PALLD: variants seen among roughly 807,000 people sequenced by gnomAD.
PALLD encodes the protein palladin.
Under a neutral mutation model 123.5 loss-of-function variants are expected in PALLD, and 61 were observed. That is an observed-to-expected ratio of 0.49 (90% confidence interval 0.40 to 0.61). PALLD has a LOEUF of 0.61. Ranked by LOEUF, PALLD falls within the 20% of genes least tolerant of loss-of-function variation. The pLI, the probability that PALLD is intolerant of heterozygous loss-of-function variation, is 0.00. For missense variants in PALLD, 1,273 were observed against 1,377.0 expected, an observed-to-expected ratio of 0.92 and a Z score of 1.20; for synonymous variants, 465 against 496.4, an observed-to-expected ratio of 0.94 and a Z score of 0.84.
chr4:168,591,484 G>A (rs576696454), intron 2 of PALLD, among the ~76,000 whole-genome samples: 8 of 152,214 alleles, frequency 5.3e-5, no homozygotes, highest in African/African-American at 1.4e-4. Context: ...CATTAAAGAC[G>A]TAAGTGCATA....
At chr4:168,626,658 C>T (rs750862491) in intron 2 of PALLD, among the ~76,000 whole-genome samples, 67 of 150,372 alleles carry the variant, frequency 4.5e-4, no homozygotes, top group East Asian at 9.7e-4. Context: ...CTGTGGTGAG[C>T]CAAGATTATG....
intron 2 of PALLD, among the ~76,000 whole-genome samples, chr4:168,533,498 A>G (rs1291631001): frequency 6.6e-6 from 1 of 152,244 alleles, no homozygotes; most frequent in African/African-American, 2.4e-5. Flanking sequence ...GAATGACTAG[A>G]TGACTAGATA....
intron 14 of PALLD, 25 bp from the exon 15 acceptor site, chr4:168,903,732 C>G: frequency 6.3e-7 from 1 of 1,597,818 alleles, no homozygotes; most frequent in Non-Finnish European, 8.6e-7. Context: ...AACTCCTAAT[C>G]TTTAATCTTT....
chr4:168,586,772 C>T (rs1249034412), intron 2 of PALLD, among the ~76,000 whole-genome samples: 1 of 152,108 alleles, frequency 6.6e-6, no homozygotes, highest in East Asian at 1.9e-4. Context: ...AGAGGTCTTT[C>T]AAACCCTTAT....
chr4:168,705,516 A>G (rs1223128816), intron 8 of PALLD, among the ~76,000 whole-genome samples: 2 of 152,154 alleles, frequency 1.3e-5, no homozygotes, highest in African/African-American at 4.8e-5. Context: ...GCAATTAGGA[A>G]CCGTTTGTTC....
In PALLD at chr4:168,728,973, T is replaced by G. The variant is rs571070253; in HGVS notation, c.1964+17050T>G. Among the ~76,000 whole-genome samples the G allele has an allele frequency of 2.3e-3, 350 of 152,328 alleles. 1 individual carries two copies. Among genetic ancestry groups the G allele is most frequent in the Non-Finnish European group, 2.5e-3 (168 of 68,016 alleles). On this transcript the variant is annotated intron_variant, in intron 10 of 21. Transcript: ENST00000505667. ...TGGCTAGGACATCTGTGTCTTGCCT[T>G]TCTAAGATGAAGTTCTGTTTTAACT...
intron 10 of PALLD, among the ~76,000 whole-genome samples, chr4:168,822,945 A>G (rs990829450): frequency 6.6e-6 from 1 of 152,140 alleles, no homozygotes; most frequent in Non-Finnish European, 1.5e-5. Flanking sequence ...AAAAGTGTCA[A>G]AGTTTCAGAT....
chr4:168,870,657 C>T (rs1420990514), intron 10 of PALLD, among the ~76,000 whole-genome samples: 1 of 152,104 alleles, frequency 6.6e-6, no homozygotes, highest in Non-Finnish European at 1.5e-5. Context: ...ATATTTAAAT[C>T]TTACAGGGCT....
chr4:168,652,976 A>G (rs1778202246), intron 2 of PALLD, among the ~76,000 whole-genome samples: 3 of 152,226 alleles, frequency 2.0e-5, no homozygotes, highest in Non-Finnish European at 4.4e-5. Context: ...TTCAGCCGTC[A>G]GTTGTCATGC....
chr4:168,547,753 C>T (rs1412695926), intron 2 of PALLD, among the ~76,000 whole-genome samples: 5 of 151,750 alleles, frequency 3.3e-5, no homozygotes, highest in African/African-American at 1.2e-4. Context: ...AGAGACCATC[C>T]TGGCCAACAT....
Position 168,730,768 on chromosome 4 carries a change from G to A in PALLD, c.1964+18845G>A, listed in dbSNP as rs117062109. Among the ~76,000 whole-genome samples, 219 of 152,172 alleles carry A rather than the reference G, an allele frequency of 1.4e-3. 1 individual carries two copies. In the East Asian group the frequency reaches 0.019, roughly 13 times the overall value. On this transcript the variant is annotated intron_variant, in intron 10 of 21. Transcript: ENST00000505667. ...GGGCAGGTAACATGCTTGGCAGACA[G>A]CATTTGGAGCCTGAGTAAGGGAAGG... is the stretch of plus-strand genomic sequence containing the variant.
chr4:168,683,287 T>TTAA (rs1447934734), intron 5 of PALLD, among the ~76,000 whole-genome samples, 184 bp downstream of exon 5: 2 of 152,234 alleles, frequency 1.3e-5, no homozygotes, highest in African/African-American at 4.8e-5. Context: ...AAAACAACCT[T>TTAA]TAACCAAAAC....
chr4:168,858,372 A>C (rs1317083524), intron 10 of PALLD, among the ~76,000 whole-genome samples: 2 of 152,218 alleles, frequency 1.3e-5, no homozygotes, highest in Non-Finnish European at 2.9e-5. Context: ...TTAAGATGCT[A>C]TCTTTTATTT....
chr4:168,627,861 A>G (rs1420935552), intron 2 of PALLD, among the ~76,000 whole-genome samples: 5 of 152,248 alleles, frequency 3.3e-5, no homozygotes, highest in African/African-American at 1.2e-4. Context: ...TCTTAAATAT[A>G]TAAAAAACTT....
chr4:168,701,836 G>A (rs1285297776), intron 8 of PALLD, among the ~76,000 whole-genome samples: 1 of 152,180 alleles, frequency 6.6e-6, no homozygotes, highest in African/African-American at 2.4e-5. Context: ...GAAGTGCCCA[G>A]GTGTTACTGA....
intron 2 of PALLD, chr4:168,536,406 G>C (rs1446290587): frequency 6.6e-6 from 1 of 152,186 alleles, no homozygotes; most frequent in Admixed American, 6.5e-5. Flanking sequence ...ACCATCCTGG[G>C]ATTACCTTTT....
intron 2 of PALLD, among the ~76,000 whole-genome samples, chr4:168,595,631 T>C (rs1278946395): frequency 1.3e-5 from 2 of 152,186 alleles, no homozygotes; most frequent in Non-Finnish European, 2.9e-5. Flanking sequence ...AACCCATTTA[T>C]AGTGAAGCAA....
chr4:168,686,752 A>G (rs1325300877), intron 6 of PALLD: 1 of 152,340 alleles, frequency 6.6e-6, no homozygotes, highest in Non-Finnish European at 1.5e-5. Flanking sequence ...TTGATATGGA[A>G]TTTAGCAACC....
chr4:168,514,176 T>C (rs17613060), intron 2 of PALLD, among the ~76,000 whole-genome samples: 13,084 of 152,100 alleles, frequency 0.086, 811 homozygotes, highest in Non-Finnish European at 0.12. Flanking sequence ...AAAGTAGACA[T>C]CACTGGCTAA....
Sources: allele counts gnomAD v4.1 joint callset (sites outside exome capture counted in the v4.1 genomes callset), GRCh38; gene constraint gnomAD v4.1.1; transcripts MANE v1.5; gene names NCBI Gene and HGNC (gene_info 2026-07-23, HGNC 2026-07-21).